ZNF609: variants seen among roughly 807,000 people sequenced by gnomAD.
ZNF609 encodes zinc finger protein 609.
Under a neutral mutation model 109.5 loss-of-function variants are expected in ZNF609, and 11 were observed. That is an observed-to-expected ratio of 0.10 (90% CI 0.06 to 0.17). ZNF609 has a LOEUF of 0.17. Among genes scored for constraint, ZNF609 ranks in the 10% least tolerant of loss-of-function variants. The pLI is 1.00. For missense variants in ZNF609, 1,559 were observed against 1,772.4 expected, an observed-to-expected ratio of 0.88 and a Z score of 2.16; for synonymous variants, 646 against 662.0, an observed-to-expected ratio of 0.98 and a Z score of 0.37.
chr15:64,609,428 T>A (rs897537955), intron 2 of ZNF609, among the ~76,000 whole-genome samples: 1 of 151,566 alleles, frequency 6.6e-6, no homozygotes, highest in Non-Finnish European at 1.5e-5. Flanking sequence ...TGATCCACCC[T>A]CCTCGGCCTC....
chr15:64,488,603 ATTAT>A (rs1389157717), intron 1 of ZNF609, among the ~76,000 whole-genome samples: 8 of 152,188 alleles, frequency 5.3e-5, no homozygotes, highest in Non-Finnish European at 1.2e-4. Flanking sequence ...CTAGTCTAAC[ATTAT>A]TTATATTTTT....
rs867516526 is a variant in ZNF609 at position 64,600,459 on chromosome 15, A to G, written c.748-22368A>G. Among the ~76,000 whole-genome samples, 7 of 145,476 alleles carry G rather than the reference A, an allele frequency of 4.8e-5. No homozygotes were observed. In the East Asian group the frequency reaches 9.8e-4, roughly 20 times the overall value. ...TGCGAGGCTGTGTCTCAAAAAAAAAAAAAAAAAGAAAAAAAAAAACAGAAA... is the reference window on the plus strand; with the variant it reads ...TGCGAGGCTGTGTCTCAAAAAAAAAGAAAAAAAGAAAAAAAAAAACAGAAA... On this transcript the variant is annotated intron_variant, in intron 2 of 9. Transcript: ENST00000326648.
Position 64,650,255 on chromosome 15 carries a change from G to GAA in ZNF609, c.974-20080_974-20079dup, listed in dbSNP as rs111329104. On this transcript the variant is annotated intron_variant, in intron 3 of 9. Transcript: ENST00000326648. ...CCCCTGTCTCTACTAAAATACAAAA[G>GAA]AAAAAAAAAAAATAAGCCAGGCATG... Among the ~76,000 whole-genome samples the GAA allele has an allele frequency of 9.3e-3, 1,274 of 137,276 alleles. 23 individuals are homozygous for GAA. The highest frequency in any genetic ancestry group is 0.032 in the African/African-American group (1,217 of 38,252). The allele number at this position is 137,276 out of a possible 152,430, so 90.1% of individuals were successfully genotyped here.
chr15:64,462,415 C>G (rs911556097), intron 1 of ZNF609, among the ~76,000 whole-genome samples: 2 of 152,188 alleles, frequency 1.3e-5, no homozygotes, highest in South Asian at 4.1e-4. Context: ...ATGAATGGAA[C>G]ACTCATGCAG....
intron 5 of ZNF609, 22 bp from the exon 6 acceptor site, chr15:64,678,094 C>CGTTGTTCTGTGATTGTT: frequency 6.2e-7 from 1 of 1,601,954 alleles, no homozygotes; most frequent in Non-Finnish European, 8.5e-7. Flanking sequence ...AACACCCAGT[C>CGTTGTTCTGTGATTGTT]GTTGTTCTGT....
chr15:64,622,667 T>C (rs1895894414), intron 2 of ZNF609, among the ~76,000 whole-genome samples, 160 bp from the exon 3 acceptor site: 1 of 152,220 alleles, frequency 6.6e-6, no homozygotes, highest in Middle Eastern at 3.2e-3. Context: ...AGATTTGTAG[T>C]GGTATCATAA....
At chr15:64,528,461 G>GT (rs1209905055) in intron 2 of ZNF609, among the ~76,000 whole-genome samples, 3 of 150,306 alleles carry the variant, frequency 2.0e-5, no homozygotes, top group African/African-American at 7.3e-5. Context: ...TTTGTTTTTT[G>GT]TTTTTTTGGC....
At position 64,613,590 on chromosome 15, in the gene ZNF609, G is replaced by A. The variant is rs368363397; in HGVS notation, c.748-9237G>A. On this transcript the variant is annotated intron_variant, in intron 2 of 9. Coordinates refer to ENST00000326648, the MANE Select transcript of ZNF609 (RefSeq NM_015042.2). Reference sequence around the variant, plus strand: ...TTTTGAGATGGAGTCTTGCACTGTCGCACAGGCTGGAGTGCAGTGGTGTGA... The same window carrying A: ...TTTTGAGATGGAGTCTTGCACTGTCACACAGGCTGGAGTGCAGTGGTGTGA... Among the ~76,000 whole-genome samples, 25 of 152,162 alleles carry A rather than the reference G, an allele frequency of 1.6e-4. 2 individuals carry two copies. The highest frequency in any genetic ancestry group is 9.2e-4 in the Admixed American group (14 of 15,284).
At chr15:64,510,330 G>A (rs1440957295) in intron 2 of ZNF609, among the ~76,000 whole-genome samples, 1 of 150,996 alleles carries the variant, frequency 6.6e-6, no homozygotes, top group Admixed American at 6.6e-5. Flanking sequence ...TCAGCCTCCC[G>A]AGTAGCAGGG....
intron 3 of ZNF609, among the ~76,000 whole-genome samples, chr15:64,647,167 A>G (rs1370743286): frequency 6.6e-6 from 1 of 151,934 alleles, no homozygotes; most frequent in African/African-American, 2.4e-5. Context: ...CTGATTCTAC[A>G]ATGTGGATGA....
intron 2 of ZNF609, among the ~76,000 whole-genome samples, chr15:64,594,649 A>T (rs1033025831): frequency 1.3e-5 from 2 of 151,966 alleles, no homozygotes; most frequent in South Asian, 4.2e-4. Context: ...CAAAATGTAA[A>T]GATTTTGAGG....
chr15:64,595,086 G>A (rs1271337599), intron 2 of ZNF609, among the ~76,000 whole-genome samples: 6 of 151,644 alleles, frequency 4.0e-5, no homozygotes, highest in South Asian at 4.2e-4. Flanking sequence ...TGGGCCGGGC[G>A]CGGTGGCTCG....
intron 3 of ZNF609, among the ~76,000 whole-genome samples, chr15:64,655,731 A>G (rs191496548): frequency 7.9e-5 from 12 of 152,140 alleles, no homozygotes; most frequent in African/African-American, 2.9e-4. Context: ...ATGGGAGGCT[A>G]AGGCAGGAGA....
intron 3 of ZNF609, among the ~76,000 whole-genome samples, chr15:64,634,485 C>T (rs545408946): frequency 6.6e-6 from 1 of 152,244 alleles, no homozygotes; most frequent in Admixed American, 6.5e-5. Context: ...TTGGTAGTTA[C>T]TCTTGGTTTT....
At chr15:64,463,247 T>C (rs538998983) in intron 1 of ZNF609, among the ~76,000 whole-genome samples, 28 of 151,868 alleles carry the variant, frequency 1.8e-4, no homozygotes, top group African/African-American at 5.1e-4. Flanking sequence ...ATATAAAAAA[T>C]GTTAGCTGGG....
intron 2 of ZNF609, chr15:64,593,095 C>T (rs1044462972): frequency 6.3e-6 from 10 of 1,593,244 alleles, no homozygotes; most frequent in African/African-American, 4.0e-5. Context: ...TTAAGAAATT[C>T]GTCATTCGAA....
chr15:64,597,666 A>G (rs1300471576), intron 2 of ZNF609, among the ~76,000 whole-genome samples: 1 of 152,198 alleles, frequency 6.6e-6, no homozygotes, highest in Non-Finnish European at 1.5e-5. Context: ...AAGATCTTGC[A>G]TATTTGCATA....
chr15:64,565,594 A>G (rs894356109), intron 2 of ZNF609, among the ~76,000 whole-genome samples: 1 of 152,184 alleles, frequency 6.6e-6, no homozygotes, highest in Non-Finnish European at 1.5e-5. Context: ...TGAGAGCAGA[A>G]TGGAACACTG....
chr15:64,624,786 GT>G, intron 3 of ZNF609, among the ~76,000 whole-genome samples: 1 of 138,400 alleles, frequency 7.2e-6, no homozygotes, highest in Non-Finnish European at 1.5e-5. Context: ...TTGAGATGGA[GT>G]CTCACCCTGT....
Sources: allele counts gnomAD v4.1 joint callset (sites outside exome capture counted in the v4.1 genomes callset), GRCh38; gene constraint gnomAD v4.1.1; transcripts MANE v1.5; gene names NCBI Gene and HGNC (gene_info 2026-07-23, HGNC 2026-07-21).